Variants in ILDR1 observed in about 807,000 individuals in gnomAD.
ILDR1 encodes the protein immunoglobulin like domain containing receptor 1.
Under a neutral mutation model 62.4 loss-of-function variants are expected in ILDR1, and 56 were observed. The ratio of observed to expected loss-of-function variants is 0.90; its 90% CI spans 0.72 to 1.12. The LOEUF is 1.12. ILDR1 is among the 50% of genes most tolerant of loss of function. ILDR1 has a pLI of 0.00. For synonymous variants in ILDR1, 284 were observed against 277.8 expected, an observed-to-expected ratio of 1.02 and a Z score of -0.22; for missense variants, 736 against 710.6, an observed-to-expected ratio of 1.04 and a Z score of -0.41.
chr3:122,060,790 T>G, the ILDR1 span, among the ~76,000 whole-genome samples: 1 of 152,190 alleles, frequency 6.6e-6, no homozygotes, highest in Admixed American at 6.5e-5. Flanking sequence ...GATTCTATTC[T>G]GTATTATCAG....
At chr3:121,994,365 C>A (rs952274848) in intron 5 of ILDR1, 52 bp from the exon 6 acceptor site, 1 of 1,495,152 alleles carries the variant, frequency 6.7e-7, no homozygotes, top group Non-Finnish European at 8.9e-7. Flanking sequence ...AAGCCCCACA[C>A]CTCCCACTTC....
chr3:121,995,283 G>C (rs2071419489), intron 5 of ILDR1, among the ~76,000 whole-genome samples: 1 of 152,204 alleles, frequency 6.6e-6, no homozygotes, highest in Non-Finnish European at 1.5e-5. Flanking sequence ...GGAAGTGCCA[G>C]CCTCAGTGTG....
chr3:122,048,255 G>T, the ILDR1 span, among the ~76,000 whole-genome samples: 1 of 152,178 alleles, frequency 6.6e-6, no homozygotes, highest in Non-Finnish European at 1.5e-5. Context: ...TTCATATGTT[G>T]AATCATCTTT....
the ILDR1 span, among the ~76,000 whole-genome samples, chr3:122,041,001 A>G: frequency 6.6e-6 from 1 of 152,352 alleles, no homozygotes; most frequent in South Asian, 2.1e-4. Context: ...AATATTTGCA[A>G]AAGACATATT....
chr3:122,032,393 TA>T, the ILDR1 span, among the ~76,000 whole-genome samples: 2 of 152,236 alleles, frequency 1.3e-5, no homozygotes, highest in Non-Finnish European at 2.9e-5. Context: ...TGATTTCTGC[TA>T]ATTGGCTATT....
chr3:122,014,285 T>C (rs1312995039), intron 1 of ILDR1, among the ~76,000 whole-genome samples: 1 of 152,234 alleles, frequency 6.6e-6, no homozygotes, highest in Non-Finnish European at 1.5e-5. Flanking sequence ...AATTCCACTT[T>C]CCAGAGGTAC....
chr3:122,046,772 G>T, the ILDR1 span, among the ~76,000 whole-genome samples: 22 of 135,484 alleles, frequency 1.6e-4, no homozygotes, highest in Admixed American at 2.9e-4. Flanking sequence ...AGCTCCATCA[G>T]CTCCTTTAAG....
At chr3:121,988,454 A>G (rs748913384) in intron 7 of ILDR1, 46 bp from the exon 8 acceptor site, 3 of 1,500,266 alleles carry the variant, frequency 2.0e-6, no homozygotes, top group Non-Finnish European at 1.9e-6. Context: ...CAGTCAGTGC[A>G]ATCCGTCTAT....
intron 1 of ILDR1, among the ~76,000 whole-genome samples, chr3:122,016,790 A>G (rs2071782672): frequency 6.6e-6 from 1 of 152,212 alleles, no homozygotes; most frequent in Admixed American, 6.5e-5. Flanking sequence ...TGCATAGAGA[A>G]TGGTTGGAAG....
chr3:121,996,452 G>A (rs2071436861), intron 5 of ILDR1, among the ~76,000 whole-genome samples: 1 of 152,164 alleles, frequency 6.6e-6, no homozygotes, highest in Non-Finnish European at 1.5e-5. Context: ...GGAAGACACA[G>A]CCTTTGAGCT....
chr3:122,008,564 ATTTCTTTTCT>A (rs1220519103), intron 1 of ILDR1, among the ~76,000 whole-genome samples: 52 of 124,848 alleles, frequency 4.2e-4, no homozygotes, highest in East Asian at 6.9e-4. Context: ...CGCATTTTTT[ATTTCTTTTCT>A]TTTCTTTTCT....
At chr3:121,998,736 C>G (rs2071474044) in intron 5 of ILDR1, among the ~76,000 whole-genome samples, 2 of 152,096 alleles carry the variant, frequency 1.3e-5, no homozygotes, top group African/African-American at 4.8e-5. Flanking sequence ...GTGATTTCTC[C>G]ATGGCCTCCT....
chr3:122,031,296 T>G, the ILDR1 span, among the ~76,000 whole-genome samples: 1 of 152,306 alleles, frequency 6.6e-6, no homozygotes, highest in East Asian at 1.9e-4. Context: ...TGACATCCTG[T>G]GGAGTACCTA....
intron 1 of ILDR1, among the ~76,000 whole-genome samples, chr3:122,009,260 G>A (rs1370194445): frequency 6.6e-6 from 1 of 151,034 alleles, no homozygotes; most frequent in Admixed American, 6.6e-5. Context: ...TAATTTCCAG[G>A]AGATGCTGAT....
chr3:122,055,389 G>T, the ILDR1 span: 1 of 1,163,876 alleles, frequency 8.6e-7, no homozygotes, highest in South Asian at 1.2e-5. Context: ...GCTTGCACAG[G>T]GTGAAAGCTT....
At chr3:122,012,596 C>A (rs951304162) in intron 1 of ILDR1, among the ~76,000 whole-genome samples, 6 of 152,102 alleles carry the variant, frequency 3.9e-5, no homozygotes, top group African/African-American at 1.2e-4. Flanking sequence ...AAGTTATTTC[C>A]AAACTATTGT....
At chr3:121,988,534 T>G in intron 7 of ILDR1, 126 bp from the exon 8 acceptor site, 1 of 754,088 alleles carries the variant, frequency 1.3e-6, no homozygotes, top group Non-Finnish European at 2.3e-6. Flanking sequence ...ACAGCAGATC[T>G]GAACCTAAAA....
the ILDR1 span, among the ~76,000 whole-genome samples, chr3:122,050,725 A>G: frequency 7.9e-5 from 12 of 152,020 alleles, no homozygotes; most frequent in Non-Finnish European, 1.5e-4. Flanking sequence ...CTATATATCT[A>G]TCTTTACCAG....
chr3:122,048,816 T>C, the ILDR1 span, among the ~76,000 whole-genome samples: 2 of 152,130 alleles, frequency 1.3e-5, no homozygotes, highest in Admixed American at 6.6e-5. Context: ...TCTTTTTTTT[T>C]ATAGAGACAG....
Sources: allele counts gnomAD v4.1 joint callset (sites outside exome capture counted in the v4.1 genomes callset), GRCh38; gene constraint gnomAD v4.1.1; transcripts MANE v1.5; gene names NCBI Gene and HGNC (gene_info 2026-07-23, HGNC 2026-07-21).